The following MAGI1 variants were observed in gnomAD, a reference collection of about 807,000 sequenced individuals.
The protein encoded by MAGI1 is membrane associated guanylate kinase, WW and PDZ domain containing 1, also known as membrane-associated guanylate kinase, WW and PDZ domain-containing protein 1.
In MAGI1, 58 loss-of-function variants were observed where a neutral mutation model predicts 139.9. The ratio of observed to expected loss-of-function variants is 0.41; its 90% CI spans 0.34 to 0.52. MAGI1 has a LOEUF of 0.52. Among genes scored for constraint, MAGI1 ranks in the 20% least tolerant of loss-of-function variants. MAGI1 has a pLI of 0.12. For missense variants in MAGI1, 1,874 were observed against 1,901.6 expected, an observed-to-expected ratio of 0.99 and a Z score of 0.27; for synonymous variants, 812 against 737.9, an observed-to-expected ratio of 1.10 and a Z score of -1.63.
intron 1 of MAGI1, among the ~76,000 whole-genome samples, chr3:65,753,912 G>A (rs978162570): frequency 3.9e-5 from 6 of 152,004 alleles, no homozygotes; most frequent in African/African-American, 9.7e-5. Context: ...CCTAACTTTC[G>A]GATCATAGGC....
intron 1 of MAGI1, among the ~76,000 whole-genome samples, chr3:65,886,918 A>G (rs140288044): frequency 2.6e-5 from 4 of 152,340 alleles, no homozygotes; most frequent in African/African-American, 9.6e-5. Context: ...GATCCTACAC[A>G]TCTCTTCTCC....
intron 1 of MAGI1, among the ~76,000 whole-genome samples, chr3:65,942,666 T>C (rs1287690492): frequency 6.6e-6 from 1 of 152,214 alleles, no homozygotes; most frequent in African/African-American, 2.4e-5. Flanking sequence ...AGGCAGATAA[T>C]AGCACCTACA....
intron 1 of MAGI1, among the ~76,000 whole-genome samples, chr3:65,625,261 T>G (rs565655378): frequency 1.5e-4 from 23 of 152,330 alleles, no homozygotes; most frequent in Admixed American, 1.2e-3. Context: ...CAAGTATGTT[T>G]TATTATATGT....
chr3:65,440,987 GTC>G (rs1353815178), intron 8 of MAGI1, among the ~76,000 whole-genome samples: 1 of 151,758 alleles, frequency 6.6e-6, no homozygotes, highest in Non-Finnish European at 1.5e-5. Context: ...TTTTGAGACA[GTC>G]TCTCTCTGTC....
At chr3:65,947,641 G>C (rs1012188852) in intron 1 of MAGI1, among the ~76,000 whole-genome samples, 1 of 152,158 alleles carries the variant, frequency 6.6e-6, no homozygotes, top group East Asian at 1.9e-4. Flanking sequence ...TTCTGAGACG[G>C]GGTCTCGGTC....
At chr3:65,472,139 G>C (rs947064238) in intron 4 of MAGI1, among the ~76,000 whole-genome samples, 1 of 152,032 alleles carries the variant, frequency 6.6e-6, no homozygotes, top group African/African-American at 2.4e-5. Flanking sequence ...CTATAAGTAA[G>C]GGAACAGAAA....
intron 10 of MAGI1, among the ~76,000 whole-genome samples, chr3:65,436,440 A>G (rs1235752784): frequency 6.6e-6 from 1 of 152,212 alleles, no homozygotes; most frequent in Non-Finnish European, 1.5e-5. Context: ...TCCAATTTTC[A>G]AGAATAATCC....
chr3:65,770,156 T>G (rs544658825), intron 1 of MAGI1, among the ~76,000 whole-genome samples: 6 of 152,174 alleles, frequency 3.9e-5, no homozygotes, highest in Admixed American at 1.3e-4. Context: ...TGAGTTTATT[T>G]TAGACTCCTG....
chr3:65,801,816 C>T (rs1230064068), intron 1 of MAGI1, among the ~76,000 whole-genome samples: 2 of 152,092 alleles, frequency 1.3e-5, no homozygotes, highest in South Asian at 2.1e-4. Flanking sequence ...AGCAGGGGTC[C>T]CCAAACCCCG....
intron 1 of MAGI1, among the ~76,000 whole-genome samples, chr3:65,906,158 T>C (rs1388361542): frequency 6.6e-6 from 1 of 152,152 alleles, no homozygotes; most frequent in African/African-American, 2.4e-5. Flanking sequence ...AATGGTAGCA[T>C]CTAATAATAA....
chr3:65,992,149 C>T (rs1311331821), intron 1 of MAGI1, among the ~76,000 whole-genome samples: 1 of 152,162 alleles, frequency 6.6e-6, no homozygotes, highest in Non-Finnish European at 1.5e-5. Flanking sequence ...CCTCACAAAA[C>T]CATAACATCC....
intron 1 of MAGI1, among the ~76,000 whole-genome samples, chr3:65,996,907 T>C (rs1229062446): frequency 2.0e-5 from 3 of 152,266 alleles, no homozygotes; most frequent in Non-Finnish European, 4.4e-5. Context: ...CAAGCAACTC[T>C]TGTGGTTGTC....
intron 12 of MAGI1, among the ~76,000 whole-genome samples, chr3:65,412,789 C>T (rs1203363247): frequency 2.0e-5 from 3 of 152,154 alleles, no homozygotes; most frequent in Non-Finnish European, 4.4e-5. Flanking sequence ...CAACTCACAA[C>T]TGCCTCACTC....
chr3:65,966,116 C>G (rs1034683860), intron 1 of MAGI1, among the ~76,000 whole-genome samples: 63 of 152,282 alleles, frequency 4.1e-4, no homozygotes, highest in African/African-American at 1.4e-3. Flanking sequence ...ATTTTCTAAC[C>G]TTCTTCCCAC....
chr3:65,751,466 G>C lies in MAGI1; in HGVS notation c.314-129378C>G, dbSNP rs2036148488. On this transcript the variant is annotated intron_variant, in intron 1 of 22. Transcript: ENST00000402939. ...CAATCTAACATTATGATGTTGCATTGACCTTCGGAGAAAAGGGCACTGTTC... is the reference window on the plus strand; with the variant it reads ...CAATCTAACATTATGATGTTGCATTCACCTTCGGAGAAAAGGGCACTGTTC... Among the ~76,000 whole-genome samples, 5 of 152,246 alleles carry C rather than the reference G, an allele frequency of 3.3e-5. No homozygotes were observed. The South Asian group carries it at 1.0e-3, about 32-fold the overall frequency.
intron 1 of MAGI1, among the ~76,000 whole-genome samples, chr3:65,937,279 C>T (rs1048808060): frequency 9.0e-6 from 1 of 111,402 alleles, no homozygotes; most frequent in African/African-American, 4.3e-5. Flanking sequence ...ATTTGCAGAC[C>T]TCAGCCAGCC....
intron 3 of MAGI1, among the ~76,000 whole-genome samples, chr3:65,490,184 C>A (rs935163019): frequency 1.8e-4 from 28 of 152,208 alleles, no homozygotes; most frequent in African/African-American, 6.5e-4. Flanking sequence ...CTCTGCTAAG[C>A]CCTTTCCAAT....
At chr3:66,036,115 G>C (rs1156419625) in intron 1 of MAGI1, among the ~76,000 whole-genome samples, 4 of 152,154 alleles carry the variant, frequency 2.6e-5, no homozygotes, top group African/African-American at 9.7e-5. Flanking sequence ...CCTTCACACA[G>C]TATTTTCTCT....
intron 17 of MAGI1, among the ~76,000 whole-genome samples, 193 bp from the exon 18 acceptor site, chr3:65,376,138 A>G (rs1393528681): frequency 6.6e-6 from 1 of 152,216 alleles, no homozygotes; most frequent in East Asian, 1.9e-4. Context: ...ATAAGGAGCT[A>G]CTGCCCTGAA....
Sources: gnomAD v4.1 joint callset for allele counts (sites outside exome capture counted in the v4.1 genomes callset) on GRCh38, gnomAD v4.1.1 for gene constraint, MANE v1.5 for transcripts, NCBI Gene and HGNC (gene_info 2026-07-23, HGNC 2026-07-21) for gene names.